ANO5: variants seen among roughly 807,000 people sequenced by gnomAD.
ANO5 encodes anoctamin 5.
A neutral mutation model predicts 121.0 loss-of-function variants in ANO5; 109 were observed. The observed-to-expected ratio is 0.90, with a 90% CI of 0.77 to 1.06. The LOEUF (loss-of-function observed/expected upper bound fraction) is 1.06, where lower values mean the gene tolerates loss of function less well. Among genes scored for constraint, ANO5 ranks in the 50% least tolerant of loss-of-function variants. ANO5 has a pLI of 0.00. For missense variants in ANO5, 1,064 were observed against 1,078.5 expected (o/e 0.99, Z 0.19); for synonymous variants, 406 against 359.9 (o/e 1.13, Z -1.45).
chr11:22,255,731 T>C (rs1853981411), intron 13 of ANO5, among the ~76,000 whole-genome samples: 1 of 152,130 alleles, frequency 6.6e-6, no homozygotes, highest in Non-Finnish European at 1.5e-5. Flanking sequence ...CACTTTCAAA[T>C]GTAGATAGAA....
At chr11:22,234,028 T>G (rs927897980) in intron 7 of ANO5, among the ~76,000 whole-genome samples, 1 of 152,134 alleles carries the variant, frequency 6.6e-6, no homozygotes, top group African/African-American at 2.4e-5. Context: ...AAAGAAATTC[T>G]TAAGGATCTT....
upstream of ANO5, chr11:22,192,985 G>A (rs1490951849): frequency 1.0e-6 from 1 of 985,234 alleles, no homozygotes; most frequent in Non-Finnish European, 1.2e-6. Flanking sequence ...CGGTCTCCGA[G>A]GGTGGGGCGC....
intron 1 of ANO5, among the ~76,000 whole-genome samples, 185 bp downstream of exon 1, chr11:22,193,717 G>A (rs2133475342): frequency 6.6e-6 from 1 of 152,280 alleles, no homozygotes; most frequent in African/African-American, 2.4e-5. Context: ...GGGGTGAGTG[G>A]GGTTGGTTTC....
At chr11:22,213,650 C>A (rs978685052) in intron 3 of ANO5, among the ~76,000 whole-genome samples, 1 of 151,476 alleles carries the variant, frequency 6.6e-6, no homozygotes, top group African/African-American at 2.4e-5. Flanking sequence ...TTCCATACTG[C>A]AATCTTCAGA....
chr11:22,277,797 G>A (rs892806312), intron 21 of ANO5: 2 of 151,354 alleles, frequency 1.3e-5, no homozygotes, highest in South Asian at 2.1e-4. Flanking sequence ...CTCCAACCAA[G>A]CATCATCCTG....
At chr11:22,242,732 A>T (rs1853474160) in intron 9 of ANO5, among the ~76,000 whole-genome samples, 1 of 151,880 alleles carries the variant, frequency 6.6e-6, no homozygotes, top group Non-Finnish European at 1.5e-5. Flanking sequence ...ACTTTTGTCC[A>T]TTGCTTTTGG....
chr11:22,211,797 A>G (rs941171171), intron 3 of ANO5, among the ~76,000 whole-genome samples: 1 of 151,944 alleles, frequency 6.6e-6, no homozygotes, highest in South Asian at 2.1e-4. Context: ...GAAACTTTTC[A>G]TTAGTTGCCT....
At chr11:22,199,149 G>A (rs1851891801) in intron 1 of ANO5, among the ~76,000 whole-genome samples, 1 of 152,166 alleles carries the variant, frequency 6.6e-6, no homozygotes, top group Admixed American at 6.5e-5. Flanking sequence ...TCTGAATACA[G>A]AAGGAGTTAT....
intron 5 of ANO5, among the ~76,000 whole-genome samples, chr11:22,222,323 TC>T (rs1831175642): frequency 6.6e-6 from 1 of 152,114 alleles, no homozygotes; most frequent in African/African-American, 2.4e-5. Flanking sequence ...TCTTTTAAAA[TC>T]ATTGATAATA....
At position 22,194,181 on chromosome 11, in the gene ANO5, G is replaced by T. The variant is rs76067410; in HGVS notation, c.40+649G>T. Among the ~76,000 whole-genome samples the T allele has an allele frequency of 4.0e-4, 61 of 152,216 alleles. 1 individual carries two copies. The East Asian group carries it at 0.011, about 28-fold the overall frequency. ...GTTGAGAAATATTTATCCATTGTTTGCCAAAGCCTTTACACCACCTGTATT... is the reference window on the plus strand; with the variant it reads ...GTTGAGAAATATTTATCCATTGTTTTCCAAAGCCTTTACACCACCTGTATT... On this transcript the variant is annotated intron_variant, in intron 1 of 21. Transcript: ENST00000324559.
At chr11:22,227,054 G>A in intron 6 of ANO5, among the ~76,000 whole-genome samples, 1 of 152,014 alleles carries the variant, frequency 6.6e-6, no homozygotes. Flanking sequence ...TTCTCTGCAT[G>A]TGTCTTTGTA....
At chr11:22,196,983 C>T (rs1227536730) in intron 1 of ANO5, among the ~76,000 whole-genome samples, 1 of 152,134 alleles carries the variant, frequency 6.6e-6, no homozygotes, top group Non-Finnish European at 1.5e-5. Flanking sequence ...TTAATAGCTA[C>T]TTTCATTTCT....
Position 22,210,768 on chromosome 11 carries a change from T to G in ANO5, c.88-496T>G, listed in dbSNP as rs1248620388. On this transcript the variant is annotated intron_variant, in intron 2 of 21. Transcript: ENST00000324559. ...TGAAGAGGTTATAAATTCAAATTAT[T>G]AAGAATCCTGATGGTGTATTTTCCA... Among the ~76,000 whole-genome samples, 4 of 152,084 alleles carry G rather than the reference T, an allele frequency of 2.6e-5. No individual in the cohort carries two copies. In the East Asian group the frequency reaches 7.7e-4, roughly 29 times the overall value.
chr11:22,206,034 T>A (rs570377372), intron 2 of ANO5, among the ~76,000 whole-genome samples: 1 of 152,140 alleles, frequency 6.6e-6, no homozygotes, highest in East Asian at 1.9e-4. Flanking sequence ...TTCTACCAAA[T>A]GTTTAAAGAA....
chr11:22,260,587 G>A (rs1397253587), intron 15 of ANO5, among the ~76,000 whole-genome samples: 3 of 152,050 alleles, frequency 2.0e-5, no homozygotes, highest in South Asian at 4.2e-4. Flanking sequence ...AATCATAGCA[G>A]ATAAATTGCT....
chr11:22,237,565 AT>A (rs1853265260), intron 8 of ANO5, among the ~76,000 whole-genome samples: 1 of 151,874 alleles, frequency 6.6e-6, no homozygotes, highest in Non-Finnish European at 1.5e-5. Context: ...TAATTTTTGT[AT>A]TTTTAGTAGA....
intron 9 of ANO5, 21 bp downstream of exon 9, chr11:22,239,705 C>G (rs571689234): frequency 1.3e-6 from 2 of 1,528,232 alleles, no homozygotes. Context: ...TACACAGGAT[C>G]AGACCAATTA....
In ANO5 at chr11:22,268,453, C is replaced by A. The variant is rs139514096; in HGVS notation, c.1899-1859C>A. 9.7e-3 allele frequency among the ~76,000 whole-genome samples: 1,471 copies of A among 152,030 alleles called. 27 individuals carry two copies. Among genetic ancestry groups the A allele is most frequent in the East Asian group, 0.016 (85 of 5,176 alleles). ...TATCTTTTTAGAATATATATGTTTT[C>A]TACTTGTGTGTTGTGGGTGTATAGG... On this transcript the variant is annotated intron_variant, in intron 17 of 21. Transcript: ENST00000324559.
At position 22,203,812 on chromosome 11, in the gene ANO5, G is replaced by A. The variant is rs760992965; in HGVS notation, c.49G>A (p.Val17Ile). 9 of 1,470,614 alleles carry A rather than the reference G, an allele frequency of 6.1e-6. No homozygotes were observed. Among genetic ancestry groups the A allele is most frequent in the Non-Finnish European group, 8.5e-6 (9 of 1,055,832 alleles). 91.1% of individuals were successfully genotyped at this position (1,470,614 alleles called of 1,614,324 possible). ...TTTCTTATTTAATTTAGGGGAAAAA[G>A]TCAATAAGCATATAGACTACTCTTT... ...LEVLAEEGEK[V>I]NKHIDYSFQM... is the part of the protein sequence containing the mutation. The change falls in exon 2 of 22, where the codon GTC (valine) becomes ATC (isoleucine). Residue 17 changes from valine to isoleucine, a missense_variant. Coordinates refer to ENST00000324559, the MANE Select transcript of ANO5 (RefSeq NM_213599.3).
Sources: allele counts gnomAD v4.1 joint callset (sites outside exome capture counted in the v4.1 genomes callset), GRCh38; gene constraint gnomAD v4.1.1; transcripts MANE v1.5; gene names NCBI Gene and HGNC (gene_info 2026-07-23, HGNC 2026-07-21).